DLG2: variants seen among roughly 807,000 people sequenced by gnomAD.
DLG2 encodes the protein discs large MAGUK scaffold protein 2.
DLG2 carries 45 observed loss-of-function variants against 132.5 expected under a neutral mutation model. That is an observed-to-expected ratio of 0.34 (90% confidence interval 0.27 to 0.44). The LOEUF is 0.44. Among genes scored for constraint, DLG2 ranks in the 20% least tolerant of loss-of-function variants. The pLI, the probability that DLG2 is intolerant of heterozygous loss-of-function variation, is 1.00. For missense variants in DLG2, 1,045 were observed against 1,196.9 expected (o/e 0.87, Z 1.87); for synonymous variants, 424 against 419.6 (o/e 1.01, Z -0.13).
chr11:85,625,744 T>C lies in DLG2; in HGVS notation c.-93+843A>G, dbSNP rs541609053. Reference sequence around the variant, plus strand: ...GTATAGCAGAGTTCAAGGCTGTTCATATAAGTTTTGATTCAAAACTCTTGA... The same window carrying C: ...GTATAGCAGAGTTCAAGGCTGTTCACATAAGTTTTGATTCAAAACTCTTGA... On this transcript the variant is annotated intron_variant, in intron 2 of 27. Coordinates refer to ENST00000376104, the MANE Select transcript of DLG2 (RefSeq NM_001142699.3). Among the ~76,000 whole-genome samples, 11 of 152,360 alleles carry C rather than the reference T, an allele frequency of 7.2e-5. No individual in the cohort carries two copies. The East Asian group carries it at 2.1e-3, about 29-fold the overall frequency.
intron 17 of DLG2, among the ~76,000 whole-genome samples, chr11:83,828,629 C>G: frequency 6.6e-6 from 1 of 152,228 alleles, no homozygotes; most frequent in Middle Eastern, 3.4e-3. Context: ...CAGTGTTCTA[C>G]GAAACACACT....
At chr11:85,598,620 G>C in intron 3 of DLG2, 37 bp downstream of exon 3, 2 of 1,482,036 alleles carry the variant, frequency 1.3e-6, no homozygotes, top group Non-Finnish European at 9.0e-7. Context: ...GCCCAATTCT[G>C]ACCATTAAAA....
intron 7 of DLG2, among the ~76,000 whole-genome samples, chr11:84,445,875 C>T (rs1328862359): frequency 7.4e-6 from 1 of 135,864 alleles, no homozygotes; most frequent in African/African-American, 2.8e-5. Flanking sequence ...GAGATGGTGT[C>T]ACTGCACTCC....
chr11:83,967,642 A>G (rs2090492877), intron 12 of DLG2, among the ~76,000 whole-genome samples: 1 of 152,058 alleles, frequency 6.6e-6, no homozygotes, highest in East Asian at 1.9e-4. Context: ...TTAACCTATC[A>G]TCAGATATAT....
chr11:83,812,718 T>C (rs1168917611), intron 17 of DLG2, among the ~76,000 whole-genome samples: 1 of 152,176 alleles, frequency 6.6e-6, no homozygotes, highest in Non-Finnish European at 1.5e-5. Context: ...CTTCATCTGA[T>C]TTCTTTCACT....
chr11:84,743,077 A>G (rs1209355683), intron 6 of DLG2, among the ~76,000 whole-genome samples: 1 of 152,214 alleles, frequency 6.6e-6, no homozygotes, highest in Non-Finnish European at 1.5e-5. Context: ...TTACTTTGAA[A>G]TAATTATAAA....
intron 6 of DLG2, among the ~76,000 whole-genome samples, chr11:84,784,442 TTTGTA>T (rs1398833378): frequency 6.6e-6 from 1 of 151,764 alleles, no homozygotes; most frequent in Non-Finnish European, 1.5e-5. Context: ...TCTCTCATTC[TTTGTA>T]TTAAGGAAAA....
intron 3 of DLG2, among the ~76,000 whole-genome samples, chr11:85,416,865 A>G (rs543524340): frequency 6.6e-6 from 1 of 152,314 alleles, no homozygotes; most frequent in East Asian, 1.9e-4. Flanking sequence ...GATTTTCTAA[A>G]TATACAATAA....
chr11:85,581,828 C>T (rs774545110), intron 3 of DLG2, among the ~76,000 whole-genome samples: 2 of 152,022 alleles, frequency 1.3e-5, no homozygotes, highest in Non-Finnish European at 1.5e-5. Context: ...AGAAAGTTCT[C>T]TTTTGTTTGT....
chr11:84,029,298 C>T (rs2095626630), intron 11 of DLG2, among the ~76,000 whole-genome samples: 1 of 152,060 alleles, frequency 6.6e-6, no homozygotes, highest in South Asian at 2.1e-4. Context: ...TACCCTACTT[C>T]TATCCAAATC....
chr11:84,957,712 A>C (rs1468413116), intron 6 of DLG2, among the ~76,000 whole-genome samples: 1 of 152,238 alleles, frequency 6.6e-6, no homozygotes, highest in African/African-American at 2.4e-5. Flanking sequence ...GACTGGCAGA[A>C]AATTGGCGTT....
At chr11:84,649,722 T>C (rs184509638) in intron 6 of DLG2, among the ~76,000 whole-genome samples, 52 of 152,318 alleles carry the variant, frequency 3.4e-4, no homozygotes, top group Admixed American at 2.9e-3. Context: ...GGTCAGATCT[T>C]GTCTTTGGCC....
chr11:83,822,363 A>G (rs1400839035), intron 17 of DLG2, among the ~76,000 whole-genome samples: 1 of 152,166 alleles, frequency 6.6e-6, no homozygotes, highest in Non-Finnish European at 1.5e-5. Context: ...GACCTAAAAC[A>G]TTCCTCAAAT....
intron 17 of DLG2, among the ~76,000 whole-genome samples, chr11:83,789,750 G>C (rs900860954): frequency 3.9e-5 from 6 of 152,150 alleles, no homozygotes; most frequent in Non-Finnish European, 7.3e-5. Context: ...GTTTCACCAT[G>C]TTGGCCAGGA....
chr11:84,197,546 C>T (rs540372249), intron 8 of DLG2, among the ~76,000 whole-genome samples: 5 of 152,192 alleles, frequency 3.3e-5, no homozygotes, highest in Admixed American at 3.3e-4. Flanking sequence ...ACTAAAAAAG[C>T]CTCCAAAGAG....
chr11:85,479,170 C>A (rs1429823265), intron 3 of DLG2, among the ~76,000 whole-genome samples: 1 of 152,190 alleles, frequency 6.6e-6, no homozygotes, highest in African/African-American at 2.4e-5. Context: ...TCCATTTGGG[C>A]TACTATACCA....
intron 6 of DLG2, among the ~76,000 whole-genome samples, chr11:84,568,868 C>G (rs1010078117): frequency 1.3e-5 from 2 of 152,204 alleles, no homozygotes; most frequent in Non-Finnish European, 2.9e-5. Context: ...CGTGGCTCCA[C>G]CTGACTGGGA....
intron 6 of DLG2, among the ~76,000 whole-genome samples, chr11:84,694,406 C>T (rs79786139): frequency 0.12 from 18,051 of 151,676 alleles, 1,418 homozygotes; most frequent in Admixed American, 0.18. Context: ...AAGAAAACTA[C>T]ATTGTAAACA....
intron 18 of DLG2, among the ~76,000 whole-genome samples, chr11:83,702,335 C>T (rs551803955): frequency 8.5e-4 from 130 of 152,234 alleles, no homozygotes; most frequent in Non-Finnish European, 1.5e-3. Flanking sequence ...TGAACTTGGA[C>T]AATTTTTTAC....
Sources: allele counts gnomAD v4.1 joint callset (sites outside exome capture counted in the v4.1 genomes callset), GRCh38; gene constraint gnomAD v4.1.1; transcripts MANE v1.5; gene names NCBI Gene and HGNC (gene_info 2026-07-23, HGNC 2026-07-21).